Variants in GPR55 observed in about 807,000 individuals in gnomAD.
The protein encoded by GPR55 is G-protein coupled receptor 55.
GPR55 carries 6 observed loss-of-function variants against 7.9 expected under a neutral mutation model. That is an observed-to-expected ratio of 0.76 (90% CI 0.41 to 1.49). GPR55 has a LOEUF of 1.49. Ranked by LOEUF, GPR55 falls within the 40% of genes most tolerant of loss-of-function variation. The pLI is 0.01. For missense variants in GPR55, 376 were observed against 406.0 expected (o/e 0.93, Z 0.63); for synonymous variants, 183 against 166.8 (o/e 1.10, Z -0.75).
intron 1 of GPR55, among the ~76,000 whole-genome samples, chr2:230,932,454 A>G (rs1249219384): frequency 6.6e-6 from 1 of 152,202 alleles, no homozygotes; most frequent in Non-Finnish European, 1.5e-5. Context: ...CATAATGCAC[A>G]TAACGTTACA....
upstream of GPR55, among the ~76,000 whole-genome samples, chr2:230,926,980 C>T (rs891205129): frequency 9.2e-5 from 14 of 152,274 alleles, no homozygotes; most frequent in Non-Finnish European, 1.9e-4. Flanking sequence ...TGTGAGCCAC[C>T]GCTCCCGGCC....
intron 1 of GPR55, among the ~76,000 whole-genome samples, chr2:230,946,598 G>C (rs1022341068): frequency 2.0e-5 from 3 of 152,204 alleles, no homozygotes; most frequent in African/African-American, 7.2e-5. Flanking sequence ...GATGCCACGA[G>C]GTCAGTGTAA....
chr2:230,953,559 C>T (rs1436110414), intron 1 of GPR55, among the ~76,000 whole-genome samples: 1 of 152,154 alleles, frequency 6.6e-6, no homozygotes, highest in African/African-American at 2.4e-5. Flanking sequence ...CTGATTTTAG[C>T]CCAGTGAGAC....
At chr2:230,955,655 A>G (rs1251665536) in intron 1 of GPR55, among the ~76,000 whole-genome samples, 1 of 152,230 alleles carries the variant, frequency 6.6e-6, no homozygotes, top group Non-Finnish European at 1.5e-5. Flanking sequence ...TAAATGGTAG[A>G]CCATAAAGGA....
intron 1 of GPR55, among the ~76,000 whole-genome samples, chr2:230,913,693 C>T (rs927020739): frequency 6.6e-6 from 1 of 152,186 alleles, no homozygotes; most frequent in Non-Finnish European, 1.5e-5. Context: ...ACTAAACATG[C>T]TGAAATGGCC....
chr2:230,958,038 T>A, intron 1 of GPR55: 1 of 285,240 alleles, frequency 3.5e-6, no homozygotes, highest in Non-Finnish European at 7.3e-6. Context: ...TTATGTACAA[T>A]AAGCTCTCAA....
intron 1 of GPR55, among the ~76,000 whole-genome samples, chr2:230,942,720 A>C (rs527428785): frequency 8.6e-5 from 13 of 151,752 alleles, no homozygotes; most frequent in African/African-American, 2.4e-4. Context: ...CCAGTGGGAG[A>C]TGGGAGCTTG....
At chr2:230,940,752 C>A (rs1403447061) in intron 1 of GPR55, among the ~76,000 whole-genome samples, 1 of 152,228 alleles carries the variant, frequency 6.6e-6, no homozygotes, top group East Asian at 1.9e-4. Flanking sequence ...CCAGTCCAGG[C>A]TTTCCTTGCC....
intron 1 of GPR55, among the ~76,000 whole-genome samples, chr2:230,931,042 G>A (rs1691030666): frequency 6.6e-6 from 1 of 152,134 alleles, no homozygotes; most frequent in Non-Finnish European, 1.5e-5. Flanking sequence ...CACTCCCCCG[G>A]GAACTGTGCC....
At chr2:230,917,598 A>G (rs1241637464) in intron 1 of GPR55, among the ~76,000 whole-genome samples, 1 of 152,196 alleles carries the variant, frequency 6.6e-6, no homozygotes, top group Admixed American at 6.5e-5. Context: ...GTTTGAGCCC[A>G]GGAGTTTGAG....
chr2:230,928,545 T>A (rs983688919), upstream of GPR55: 1 of 152,172 alleles, frequency 6.6e-6, no homozygotes, highest in Admixed American at 6.5e-5. Flanking sequence ...ACAGTACCTG[T>A]CTCAGAAAAC....
chr2:230,954,426 TC>T (rs1279347849), intron 1 of GPR55, among the ~76,000 whole-genome samples: 2 of 152,188 alleles, frequency 1.3e-5, no homozygotes, highest in African/African-American at 4.8e-5. Flanking sequence ...CAGTCTTAGT[TC>T]CCTCCTTTCC....
intron 1 of GPR55, among the ~76,000 whole-genome samples, chr2:230,941,392 C>T (rs1691231011): frequency 6.6e-6 from 1 of 152,218 alleles, no homozygotes; most frequent in South Asian, 2.1e-4. Context: ...AACCTGAACC[C>T]AGGGTGGTAT....
rs1190282302 is a variant in GPR55, at chr2:230,908,775, T to C, written c.*1228A>G. 1 of 152,422 alleles carries C rather than the reference T, an allele frequency of 6.6e-6. No individual in the cohort carries two copies. The highest frequency in any genetic ancestry group is 6.5e-5 in the Admixed American group (1 of 15,284). The allele number at this position is 152,422 out of a possible 1,614,324, so 9.4% of individuals were successfully genotyped here. A position where few individuals can be genotyped will look rare whatever the true frequency, so the allele number is the denominator to read the frequency against. ...TCACTCTCCGGAGCAGCTGAGTCAT[T>C]GGGAGGCTTCCGCTGTCACTTGCAC... On this transcript the variant is annotated 3_prime_UTR_variant, in exon 2 of 2. Coordinates refer to ENST00000650999, the MANE Select transcript of GPR55 (RefSeq NM_005683.4).
intron 1 of GPR55, among the ~76,000 whole-genome samples, chr2:230,939,036 G>A (rs939697534): frequency 6.6e-6 from 1 of 152,220 alleles, no homozygotes; most frequent in Admixed American, 6.5e-5. Context: ...CTGCCGTGTG[G>A]CCAGTTCTCG....
At chr2:230,950,049 T>C (rs1003127643) in intron 1 of GPR55, among the ~76,000 whole-genome samples, 1 of 152,220 alleles carries the variant, frequency 6.6e-6, no homozygotes, top group East Asian at 1.9e-4. Flanking sequence ...CTGGCCAGGC[T>C]GAACGCCTGA....
rs1690582172 is a variant in GPR55 at position 230,911,037 on chromosome 2, G to T, written c.-75C>A. ...TGAAGTGATGGATTCAAATGACTTT[G>T]TCAAGAATCACAAACACCTCCCCAG... On this transcript the variant is annotated 5_prime_UTR_variant, in exon 2 of 2. Coordinates refer to ENST00000650999, the MANE Select transcript of GPR55 (RefSeq NM_005683.4). 4 of 1,459,110 alleles carry T rather than the reference G, an allele frequency of 2.7e-6. No homozygotes were observed. In the East Asian group the frequency reaches 6.9e-5, roughly 25 times the overall value. The allele number at this position is 1,459,110 out of a possible 1,614,324, so 90.4% of individuals were successfully genotyped here.
intron 1 of GPR55, among the ~76,000 whole-genome samples, chr2:230,948,095 C>T (rs1320455719): frequency 1.3e-5 from 2 of 152,244 alleles, no homozygotes; most frequent in South Asian, 4.1e-4. Context: ...GCAGTTGCCA[C>T]CGCCGCCCAC....
rs1009551668 is a variant in GPR55, at chr2:230,924,870, C to T, written c.-135+298G>A. 1.1e-4 allele frequency among the ~76,000 whole-genome samples: 17 copies of T among 152,078 alleles called. No homozygotes were observed. The highest frequency in any genetic ancestry group is 3.6e-4 in the African/African-American group (15 of 41,402). On this transcript the variant is annotated intron_variant, in intron 1 of 1. Coordinates refer to ENST00000650999, the MANE Select transcript of GPR55 (RefSeq NM_005683.4). The surrounding 1 kb of genome is among the most constrained non-coding windows in gnomAD (Gnocchi z 4.5). ...GCTGCCTATGGGGAGGTTTCCCGACCCGACATGATGCTGCAACCCTGAGTC... is the reference window on the plus strand; with the variant it reads ...GCTGCCTATGGGGAGGTTTCCCGACTCGACATGATGCTGCAACCCTGAGTC...
Sources: gnomAD v4.1 joint callset for allele counts (sites outside exome capture counted in the v4.1 genomes callset) on GRCh38, gnomAD v4.1.1 for gene constraint, Gnocchi (gnomAD v3.1) non-coding constraint, MANE v1.5 for transcripts, NCBI Gene and HGNC (gene_info 2026-07-23, HGNC 2026-07-21) for gene names.